SYT8: variants seen among roughly 807,000 people sequenced by gnomAD.
SYT8 encodes the protein synaptotagmin 8, also known as synaptotagmin-8.
A neutral mutation model predicts 34.9 loss-of-function variants in SYT8; 50 were observed. The ratio of observed to expected loss-of-function variants is 1.43; its 90% CI spans 1.14 to 1.81. The LOEUF is 1.81. Ranked by LOEUF, SYT8 falls within the 40% of genes most tolerant of loss-of-function variation. The probability of loss-of-function intolerance (pLI) is 0.00; values close to 1 mark genes in which losing one functional copy is unlikely to be tolerated. For missense variants in SYT8, 595 were observed against 529.0 expected (o/e 1.12, Z -1.22); for synonymous variants, 255 against 234.2 (o/e 1.09, Z -0.81).
Position 1,836,587 on chromosome 11 carries a change from A to C in SYT8, c.679A>C (p.Thr227Pro), listed in dbSNP as rs749734219. ...HWYLLGPPAA[T>P]QPEQVGELCF... ...GTACCTGCTGGGCCCGCCGGCTGCC[A>C]CTCAGGTGAGGTGCTGGTCACCAGG... is the stretch of plus-strand genomic sequence containing the variant. The change falls in exon 5 of 8, where the codon ACT becomes CCT. Residue 227 changes from threonine (T) to proline (P), a missense_variant. Physicochemically the swap from Thr to Pro is conservative, Grantham distance 38 (BLOSUM62 -1). Coordinates refer to ENST00000341958, the MANE Select transcript of SYT8 (RefSeq NM_001394072.1). The C allele has an allele frequency of 1.2e-6, 2 of 1,610,732 alleles. No homozygotes were observed. The highest frequency in any genetic ancestry group is 1.7e-6 in the Non-Finnish European group (2 of 1,179,162).
At chr11:1,835,756 G>C (rs527977717) in intron 2 of SYT8, 130 bp from the exon 3 acceptor site, 4 of 857,520 alleles carry the variant, frequency 4.7e-6, no homozygotes, top group Non-Finnish European at 7.5e-6. Flanking sequence ...CCGACGATTT[G>C]TGCCTGTTGG....
chr11:1,837,427 C>A lies in SYT8; in HGVS notation c.1160C>A (p.Ser387Tyr), dbSNP rs763622515. The A allele has an allele frequency of 6.2e-7, 1 of 1,605,706 alleles. No individual in the cohort carries two copies. Among genetic ancestry groups the A allele is most frequent in the East Asian group, 2.2e-5 (1 of 44,852 alleles). The change falls in exon 8 of 8, where the codon TCC becomes TAC. Residue 387 changes from serine (S) to tyrosine (Y), a missense_variant. Coordinates refer to ENST00000341958, the MANE Select transcript of SYT8 (RefSeq NM_001394072.1). ...CGCCTGCGCCTGCCCTTGCCCCACT[C>A]CTGAATGCACCACATGCCTCTGTCT... ...RLRLRLPLPH[S>Y]
upstream of SYT8, chr11:1,834,384 G>C (rs1486732442): frequency 1.6e-6 from 1 of 642,656 alleles, no homozygotes; most frequent in Non-Finnish European, 2.8e-6. This position sits in a 1 kb window ranked among gnomAD's most constrained non-coding sequence, Gnocchi z 4.5. Flanking sequence ...GCCGCTCCCA[G>C]CTGCACCCTG....
rs904703321 is a variant in SYT8 at position 1,836,999 on chromosome 11, G to A, written c.833G>A (p.Trp278Ter). Reference protein sequence around the residue: ...KVQLMLNQRKWKKRKTATKKG... With the variant: ...KVQLMLNQRK ...CAGCTCATGCTGAACCAGAGGAAGT[G>A]GAAGAAGAGAAAGACAGCCACCAAA... The change falls in exon 7 of 8, where the codon TGG becomes TAG. Residue 278 changes from tryptophan (W) to a stop codon, truncating the protein, a stop_gained. Coordinates refer to ENST00000341958, the MANE Select transcript of SYT8 (RefSeq NM_001394072.1). LOFTEE classifies it high-confidence loss of function. 1 of 1,613,724 alleles carries A rather than the reference G, an allele frequency of 6.2e-7. No individual in the cohort carries two copies. Among genetic ancestry groups the A allele is most frequent in the African/African-American group, 1.3e-5 (1 of 74,950 alleles).
intron 2 of SYT8, 105 bp downstream of exon 2, chr11:1,835,564 C>T (rs1846866360): frequency 1.5e-6 from 2 of 1,370,246 alleles, no homozygotes; most frequent in South Asian, 1.2e-5. Context: ...GTTTAACCCC[C>T]ACAGAGGCAG....
rs36055203 is a variant in SYT8 at position 1,836,807 on chromosome 11, G to A, written c.736G>A (p.Gly246Ser). The A allele has an allele frequency of 6.2e-7, 1 of 1,611,326 alleles. No individual in the cohort carries two copies. Among genetic ancestry groups the A allele is most frequent in the Middle Eastern group, 1.7e-4 (1 of 6,058 alleles). ...CTCTCTCCGGTACGTGCCCAGCTCA[G>A]GCCGGCTGACCGTGGTGGTGCTGGA... The part of the protein sequence containing the change: ...CFSLRYVPSS[G>S]RLTVVVLEAR... Residue 246 changes from glycine to serine, a missense_variant, in exon 6 of 8, where the codon GGC (glycine) becomes AGC (serine). Coordinates refer to ENST00000341958, the MANE Select transcript of SYT8 (RefSeq NM_001394072.1).
At position 1,836,545 on chromosome 11, in the gene SYT8, C is replaced by T. The variant is rs1846946661; in HGVS notation, c.637C>T (p.His213Tyr). The change falls in exon 5 of 8, where the codon CAT becomes TAT. Residue 213 changes from histidine (H) to tyrosine (Y), a missense_variant. His to Tyr is a moderately conservative substitution (Grantham distance 83). Transcript: ENST00000341958. ...GCCACTGGGCACCGTGGATCTGCAG[C>T]ATGTTCTGGAGCACTGGTACCTGCT... Reference protein sequence around the residue: ...RLPLGTVDLQHVLEHWYLLGP... With the variant: ...RLPLGTVDLQYVLEHWYLLGP... 6.2e-7 allele frequency: 1 copy of T among 1,612,570 alleles called. No homozygotes were observed. Among genetic ancestry groups the T allele is most frequent in the African/African-American group, 1.3e-5 (1 of 74,948 alleles).
chr11:1,836,691 G>A, intron 5 of SYT8, 65 bp from the exon 6 acceptor site: 2 of 1,593,792 alleles, frequency 1.3e-6, no homozygotes, highest in Non-Finnish European at 1.7e-6. Context: ...AGCATTTTCG[G>A]GGGTCTGAGC....
intron 3 of SYT8, 36 bp downstream of exon 3, chr11:1,836,020 C>T (rs767335233): frequency 5.7e-6 from 9 of 1,589,874 alleles, no homozygotes; most frequent in South Asian, 2.3e-5. Flanking sequence ...AGCGGTTCTG[C>T]GAGTTTCCGG....
chr11:1,836,152 C>G lies in SYT8; in HGVS notation c.384C>G (p.Ala128=). Residue 128 remains alanine (A), a synonymous_variant, in exon 4 of 8, where the codon GCC becomes GCG. Transcript: ENST00000341958. ...TCAGGGTGGGCCTGAGGCAGGCAGC[C>G]GACCTGAGGCCTGGGGGCACCGTGG... ...QEIRVGLRQA[A]DLRPGGTVDP... The G allele has an allele frequency of 6.6e-7, 1 of 1,506,228 alleles. No individual in the cohort carries two copies. The highest frequency in any genetic ancestry group is 8.9e-7 in the Non-Finnish European group (1 of 1,128,472). The allele number at this position is 1,506,228 out of a possible 1,614,324, so 93.3% of individuals were successfully genotyped here. A position where few individuals can be genotyped will look rare whatever the true frequency, so the allele number is the denominator to read the frequency against.
At chr11:1,835,250 G>GAC in intron 1 of SYT8, 46 bp from the exon 2 acceptor site, 1 of 1,606,280 alleles carries the variant, frequency 6.2e-7, no homozygotes, top group Non-Finnish European at 8.5e-7. Flanking sequence ...AGCCAAGTGG[G>GAC]GGCTGCAGCT....
intron 1 of SYT8, 40 bp downstream of exon 1, chr11:1,835,239 C>T (rs2133015113): frequency 1.2e-6 from 2 of 1,608,344 alleles, no homozygotes; most frequent in Non-Finnish European, 1.7e-6. Flanking sequence ...GGGGATAACC[C>T]AGCCAAGTGG....
upstream of SYT8, chr11:1,834,543 C>T (rs1009036199): frequency 5.8e-6 from 9 of 1,562,272 alleles, no homozygotes; most frequent in South Asian, 2.3e-5. This position sits in a 1 kb window ranked among gnomAD's most constrained non-coding sequence, Gnocchi z 4.5. Context: ...CCCCTCTGGG[C>T]TTCCAAGTTC....
At position 1,837,309 on chromosome 11, in the gene SYT8, A is replaced by G; in HGVS notation, c.1042A>G (p.Met348Val). 6.3e-7 allele frequency: 1 copy of G among 1,589,700 alleles called. No individual in the cohort carries two copies. The highest frequency in any genetic ancestry group is 2.2e-5 in the East Asian group (1 of 44,566). ...SGQPLQHWAD[M>V]LAHARRPIAQ... ...GCAGCCCCTGCAGCACTGGGCAGAC[A>G]TGCTGGCCCACGCCCGGCGGCCCAT... Residue 348 changes from methionine (M) to valine (V), a missense_variant, in exon 8 of 8, where the codon ATG (methionine) becomes GTG (valine). Transcript: ENST00000341958.
intron 5 of SYT8, 43 bp from the exon 6 acceptor site, chr11:1,836,713 C>A: frequency 6.3e-7 from 1 of 1,599,628 alleles, no homozygotes; most frequent in Non-Finnish European, 8.5e-7. Context: ...CCAACTCGGC[C>A]AGAATCACCC....
chr11:1,835,612 C>A, intron 2 of SYT8, 153 bp downstream of exon 2: 1 of 949,484 alleles, frequency 1.1e-6, no homozygotes, highest in Non-Finnish European at 1.6e-6. Flanking sequence ...AGTGGGTGAA[C>A]AGAGGTGAGA....
chr11:1,834,817 GC>G, upstream of SYT8: 1 of 657,972 alleles, frequency 1.5e-6, no homozygotes, highest in East Asian at 2.8e-5. This position sits in a 1 kb window ranked among gnomAD's most constrained non-coding sequence, Gnocchi z 4.5. Context: ...GGACTAGGCT[GC>G]CCAGGCCCTG....
chr11:1,836,877 G>A lies in SYT8; in HGVS notation c.790+16G>A. 1 of 1,612,484 alleles carries A rather than the reference G, an allele frequency of 6.2e-7. No homozygotes were observed. The highest frequency in any genetic ancestry group is 8.5e-7 in the Non-Finnish European group (1 of 1,179,918). On this transcript the variant is annotated intron_variant, in intron 6 of 7. Transcript: ENST00000341958. The stretch of plus-strand genomic sequence containing the variant: ...GGACTTGCAGGTGAGGGTCACACCT[G>A]CCCACGTTGTTGTACAGAGGGGGGG...
At position 1,836,243 on chromosome 11, in the gene SYT8, G is replaced by A. The variant is rs752958595; in HGVS notation, c.475G>A (p.Gly159Ser). The change falls in exon 4 of 8, where the codon GGC becomes AGC. Residue 159 changes from glycine (G) to serine (S), a missense_variant. Transcript: ENST00000341958. Reference sequence around the variant, plus strand: ...CAGACATGAGACAAAAGTGCACCGAGGCACGCTCTGCCCCGTGTTTGACGA... The same window carrying A: ...CAGACATGAGACAAAAGTGCACCGAAGCACGCTCTGCCCCGTGTTTGACGA... Reference protein sequence around the residue: ...GHRHETKVHRGTLCPVFDETC... With the variant: ...GHRHETKVHRSTLCPVFDETC... 6 of 1,588,182 alleles carry A rather than the reference G, an allele frequency of 3.8e-6. No homozygotes were observed. Among genetic ancestry groups the A allele is most frequent in the Non-Finnish European group, 5.1e-6 (6 of 1,168,406 alleles).
Sources: gnomAD v4.1 joint callset for allele counts on GRCh38, gnomAD v4.1.1 for gene constraint, Gnocchi (gnomAD v3.1) non-coding constraint, MANE v1.5 for transcripts, NCBI Gene and HGNC (gene_info 2026-07-23, HGNC 2026-07-21) for gene names.